Variants in HERC3 observed in about 807,000 individuals in gnomAD.
HERC3 encodes probable E3 ubiquitin-protein ligase HERC3.
HERC3 carries 58 observed loss-of-function variants against 129.9 expected under a neutral mutation model. The ratio of observed to expected loss-of-function variants is 0.45; its 90% CI spans 0.36 to 0.56. HERC3 has a LOEUF of 0.56. Among genes scored for constraint, HERC3 ranks in the 20% least tolerant of loss-of-function variants. The pLI is 0.00. For synonymous variants in HERC3, 430 were observed against 451.0 expected, an observed-to-expected ratio of 0.95 and a Z score of 0.59; for missense variants, 835 against 1,244.2, an observed-to-expected ratio of 0.67 and a Z score of 4.95.
intron 7 of HERC3, 138 bp downstream of exon 7, chr4:88,654,271 G>C (rs1729604170): frequency 2.2e-6 from 1 of 460,652 alleles, no homozygotes; most frequent in South Asian, 5.3e-5. Context: ...ATGTGGGTTT[G>C]TTGTTTTCCA....
the HERC3 span, among the ~76,000 whole-genome samples, chr4:88,560,566 C>T: frequency 1.3e-5 from 2 of 152,064 alleles, no homozygotes; most frequent in Non-Finnish European, 2.9e-5. Flanking sequence ...ATTTCCTTTG[C>T]TGTGCAGAAA....
At chr4:88,628,597 T>C (rs3926482) in intron 3 of HERC3, among the ~76,000 whole-genome samples, 8,140 of 152,182 alleles carry the variant, frequency 0.053, 479 homozygotes, top group African/African-American at 0.14. Context: ...TGCAGGGATG[T>C]TTTGCCTGCA....
At chr4:88,544,240 C>T in the HERC3 span, among the ~76,000 whole-genome samples, 1 of 152,072 alleles carries the variant, frequency 6.6e-6, no homozygotes, top group African/African-American at 2.4e-5. Flanking sequence ...ACCAAACAAC[C>T]CCTTCAAAAA....
the HERC3 span, among the ~76,000 whole-genome samples, chr4:88,552,284 A>T: frequency 1.2e-4 from 18 of 150,876 alleles, no homozygotes; most frequent in African/African-American, 3.7e-4. Context: ...TAAAGTATAA[A>T]AAAAAAAAAA....
At position 88,706,991 on chromosome 4, in the gene HERC3, G is replaced by T. The variant is rs374475711; in HGVS notation, c.*31G>T. On this transcript the variant is annotated 3_prime_UTR_variant, in exon 26 of 26. Coordinates refer to ENST00000402738, the MANE Select transcript of HERC3 (RefSeq NM_014606.3). ...CTCAGCTTGTCCAGTATTTCCCTTCGTTCCTCAGTGTCCACATTGAGGCCT... is the reference window on the plus strand; with the variant it reads ...CTCAGCTTGTCCAGTATTTCCCTTCTTTCCTCAGTGTCCACATTGAGGCCT... The T allele has an allele frequency of 4.5e-5, 70 of 1,540,652 alleles. No individual in the cohort carries two copies. In the East Asian group the frequency reaches 1.1e-3, roughly 24 times the overall value.
At chr4:88,704,791 C>G (rs1578359653) in intron 25 of HERC3, among the ~76,000 whole-genome samples, 181 bp downstream of exon 25, 1 of 151,968 alleles carries the variant, frequency 6.6e-6, no homozygotes, top group East Asian at 1.9e-4. Flanking sequence ...TAATCCAGAT[C>G]TGTTGCCTAA....
At chr4:88,657,859 G>A (rs1385526805) in intron 9 of HERC3, among the ~76,000 whole-genome samples, 1 of 152,166 alleles carries the variant, frequency 6.6e-6, no homozygotes. Flanking sequence ...TTGTGCTCTC[G>A]GTGGGCACAT....
At chr4:88,552,753 C>T in the HERC3 span, among the ~76,000 whole-genome samples, 1 of 152,188 alleles carries the variant, frequency 6.6e-6, no homozygotes, top group African/African-American at 2.4e-5. Context: ...AGAATAGGGT[C>T]ACATTTTGTC....
intron 3 of HERC3, among the ~76,000 whole-genome samples, chr4:88,638,363 A>C (rs1727670502): frequency 6.6e-6 from 1 of 152,208 alleles, no homozygotes; most frequent in Non-Finnish European, 1.5e-5. Flanking sequence ...GGCAAACCAA[A>C]TCCAGCAGCA....
chr4:88,685,049 A>G (rs187391802), intron 21 of HERC3: 2 of 152,350 alleles, frequency 1.3e-5, no homozygotes, highest in African/African-American at 4.8e-5. Flanking sequence ...ATGAGATACC[A>G]TCTCACGCCA....
intron 3 of HERC3, among the ~76,000 whole-genome samples, chr4:88,628,257 C>T (rs1415591206): frequency 6.6e-6 from 1 of 152,076 alleles, no homozygotes. Context: ...TAAGGTTGTT[C>T]GGTGTTAATG....
intron 5 of HERC3, 28 bp from the exon 6 acceptor site, chr4:88,652,841 G>T (rs780538128): frequency 2.5e-6 from 4 of 1,578,146 alleles, no homozygotes; most frequent in Middle Eastern, 4.5e-4. Flanking sequence ...ATCATTTTAT[G>T]GTAATACCAG....
At chr4:88,632,569 C>T (rs1726893463) in intron 3 of HERC3, among the ~76,000 whole-genome samples, 1 of 152,178 alleles carries the variant, frequency 6.6e-6, no homozygotes, top group Non-Finnish European at 1.5e-5. Flanking sequence ...ACAAAGTTCT[C>T]AGGCAAGAAA....
intron 3 of HERC3, among the ~76,000 whole-genome samples, chr4:88,632,274 G>A (rs1362168612): frequency 6.6e-6 from 1 of 152,156 alleles, no homozygotes; most frequent in Non-Finnish European, 1.5e-5. Flanking sequence ...TGTGGTGTAC[G>A]CAGGGCACAC....
At chr4:88,622,209 T>G (rs938638705) in intron 3 of HERC3, among the ~76,000 whole-genome samples, 2 of 152,242 alleles carry the variant, frequency 1.3e-5, no homozygotes, top group Non-Finnish European at 2.9e-5. Context: ...TTGCTTATTT[T>G]GAACATTTCA....
rs140556961 is a variant in HERC3 at position 88,621,114 on chromosome 4, A to G, written c.226+15065A>G. Reference sequence around the variant, plus strand: ...CACATAGTGAGTGCAGCTTTCAGCAAGTTTTTTTTTTGAGTCGGAGTCTCG... The same window carrying G: ...CACATAGTGAGTGCAGCTTTCAGCAGGTTTTTTTTTTGAGTCGGAGTCTCG... On this transcript the variant is annotated intron_variant, in intron 3 of 25. Coordinates refer to ENST00000402738, the MANE Select transcript of HERC3 (RefSeq NM_014606.3). Among the ~76,000 whole-genome samples the G allele has an allele frequency of 1.8e-4, 28 of 151,970 alleles. No individual in the cohort carries two copies. In the East Asian group the frequency reaches 5.0e-3, roughly 27 times the overall value.
chr4:88,667,804 G>C, intron 13 of HERC3, 88 bp from the exon 14 acceptor site: 1 of 954,866 alleles, frequency 1.0e-6, no homozygotes, highest in Non-Finnish European at 1.6e-6. Context: ...TGAGAGTTGA[G>C]AGTCTATCAA....
the HERC3 span, among the ~76,000 whole-genome samples, chr4:88,560,205 C>T: frequency 6.6e-6 from 1 of 152,140 alleles, no homozygotes; most frequent in African/African-American, 2.4e-5. Context: ...AGTGATCCAC[C>T]CGCCTCGGCC....
intron 11 of HERC3, among the ~76,000 whole-genome samples, chr4:88,663,676 A>AG (rs1439672020): frequency 1.3e-5 from 2 of 152,206 alleles, no homozygotes; most frequent in African/African-American, 4.8e-5. Flanking sequence ...GTATAATAGA[A>AG]GGTAATGGGA....
Sources: gnomAD v4.1 joint callset for allele counts (sites outside exome capture counted in the v4.1 genomes callset) on GRCh38, gnomAD v4.1.1 for gene constraint, MANE v1.5 for transcripts, NCBI Gene and HGNC (gene_info 2026-07-23, HGNC 2026-07-21) for gene names.